The following PHACTR3 variants were observed in gnomAD, a reference collection of about 807,000 sequenced individuals.
The protein encoded by PHACTR3 is phosphatase and actin regulator 3.
In PHACTR3, 16 loss-of-function variants were observed where a neutral mutation model predicts 66.8. The observed-to-expected ratio is 0.24, with a 90% CI of 0.16 to 0.36. The LOEUF is 0.36. Ranked by LOEUF, PHACTR3 falls within the 10% of genes least tolerant of loss-of-function variation. The pLI, the probability that PHACTR3 is intolerant of heterozygous loss-of-function variation, is 1.00. For synonymous variants in PHACTR3, 323 were observed against 292.1 expected, an observed-to-expected ratio of 1.11 and a Z score of -1.08; for missense variants, 647 against 719.9, an observed-to-expected ratio of 0.90 and a Z score of 1.16.
At chr20:59,766,700 G>A (rs1253187177) in intron 4 of PHACTR3, among the ~76,000 whole-genome samples, 1 of 152,216 alleles carries the variant, frequency 6.6e-6, no homozygotes, top group African/African-American at 2.4e-5. Flanking sequence ...AAGAATGAGA[G>A]CTGCTGGACT....
intron 1 of PHACTR3, among the ~76,000 whole-genome samples, chr20:59,737,909 C>T (rs2039010609): frequency 6.6e-6 from 1 of 152,162 alleles, no homozygotes; most frequent in Non-Finnish European, 1.5e-5. Flanking sequence ...AAAGTGCTCC[C>T]TCGCCAGCCC....
At chr20:59,767,159 T>C (rs775922325) in intron 4 of PHACTR3, 27 bp from the exon 5 acceptor site, 1 of 1,613,094 alleles carries the variant, frequency 6.2e-7, no homozygotes, top group South Asian at 1.1e-5. Context: ...AACATGTTTT[T>C]AACTCTCTGC....
chr20:59,670,605 T>TTGGGGGGGG lies in PHACTR3; in HGVS notation c.118+65473_118+65474insTGGGGGGGG, dbSNP rs34824435. ...AATGAGGACAGGCATCTGCCGGGGG[T>TTGGGGGGGG]GGGGGGGGGGGGCAGGCACTTTTAC... On this transcript the variant is annotated intron_variant, in intron 1 of 12. Transcript: ENST00000371015. Among the ~76,000 whole-genome samples the TTGGGGGGGG allele has an allele frequency of 8.3e-4, 39 of 47,160 alleles. 4 individuals are homozygous for TTGGGGGGGG. The highest frequency in any genetic ancestry group is 1.2e-3 in the Non-Finnish European group (20 of 16,374). 30.9% of individuals were successfully genotyped at this position (47,160 alleles called of 152,430 possible).
intron 1 of PHACTR3, among the ~76,000 whole-genome samples, chr20:59,742,035 A>G (rs2039179108): frequency 6.6e-6 from 1 of 152,240 alleles, no homozygotes; most frequent in Non-Finnish European, 1.5e-5. Flanking sequence ...TGCTGGGATT[A>G]TAGGCGTAAG....
At chr20:59,814,415 G>A (rs2041830124) in intron 8 of PHACTR3, among the ~76,000 whole-genome samples, 2 of 152,154 alleles carry the variant, frequency 1.3e-5, no homozygotes, top group African/African-American at 4.8e-5. Context: ...GGCAGACACA[G>A]GGGAAAGGTT....
intron 8 of PHACTR3, among the ~76,000 whole-genome samples, chr20:59,807,672 C>T (rs566903239): frequency 6.6e-6 from 1 of 152,254 alleles, no homozygotes; most frequent in South Asian, 2.1e-4. Flanking sequence ...ACACCAGCAT[C>T]GCCACACACG....
At chr20:59,670,146 C>G (rs2036142587) in intron 1 of PHACTR3, among the ~76,000 whole-genome samples, 2 of 152,200 alleles carry the variant, frequency 1.3e-5, no homozygotes, top group African/African-American at 4.8e-5. Flanking sequence ...TTCTTCTGAT[C>G]TTTAGTGGAT....
At chr20:59,721,342 G>A (rs1209570808) in intron 1 of PHACTR3, 1 of 152,258 alleles carries the variant, frequency 6.6e-6, no homozygotes, top group East Asian at 1.9e-4. Flanking sequence ...TGGAGATTCT[G>A]TGCTGGTAGG....
upstream of PHACTR3, among the ~76,000 whole-genome samples, chr20:59,604,156 C>G (rs1283020142): frequency 6.6e-6 from 1 of 152,092 alleles, no homozygotes; most frequent in Non-Finnish European, 1.5e-5. Context: ...GGGGAGGAAG[C>G]CTCAGGTCGC....
At chr20:59,813,670 C>G (rs975349000) in intron 8 of PHACTR3, among the ~76,000 whole-genome samples, 1 of 151,970 alleles carries the variant, frequency 6.6e-6, no homozygotes, top group Non-Finnish European at 1.5e-5. Flanking sequence ...AGTGAGAGCT[C>G]GAAGGTGGGA....
chr20:59,763,051 A>G (rs772774973), intron 4 of PHACTR3, among the ~76,000 whole-genome samples: 16 of 152,162 alleles, frequency 1.1e-4, no homozygotes, highest in Non-Finnish European at 1.9e-4. Context: ...ATCTTGAATT[A>G]TAATCCCCAC....
At chr20:59,733,672 A>G (rs1409153974) in intron 1 of PHACTR3, among the ~76,000 whole-genome samples, 1 of 152,162 alleles carries the variant, frequency 6.6e-6, no homozygotes, top group Non-Finnish European at 1.5e-5. Context: ...CTGAGTTCTA[A>G]GCTCCACTCT....
rs140977305 is a variant in PHACTR3, at chr20:59,817,042, T to C, written c.1328+10848T>C. On this transcript the variant is annotated intron_variant, in intron 8 of 12. Transcript: ENST00000371015. Reference sequence around the variant, plus strand: ...AACTGTCTCAGCACGCACAGTGGGTTAGATGGAATTTCCTAAGAGTTTATT... The same window carrying C: ...AACTGTCTCAGCACGCACAGTGGGTCAGATGGAATTTCCTAAGAGTTTATT... Among the ~76,000 whole-genome samples, 3 of 152,344 alleles carry C rather than the reference T, an allele frequency of 2.0e-5. No homozygotes were observed. The East Asian group carries it at 5.8e-4, about 29-fold the overall frequency.
chr20:59,788,324 G>C (rs1049855237), intron 7 of PHACTR3, among the ~76,000 whole-genome samples: 1 of 152,112 alleles, frequency 6.6e-6, no homozygotes, highest in African/African-American at 2.4e-5. Flanking sequence ...CTGCCTGGGC[G>C]CTTCCCTTTC....
chr20:59,650,999 A>T (rs1441139291), intron 1 of PHACTR3, among the ~76,000 whole-genome samples: 2 of 152,084 alleles, frequency 1.3e-5, no homozygotes, highest in Non-Finnish European at 2.9e-5. Flanking sequence ...TCAAGATGTT[A>T]ATCTTTGTTA....
chr20:59,586,744 G>C (rs1009808905), intron 1 of PHACTR3, among the ~76,000 whole-genome samples: 1 of 152,176 alleles, frequency 6.6e-6, no homozygotes, highest in African/African-American at 2.4e-5. Flanking sequence ...AGTCACACCA[G>C]CCAGGTCCTG....
intron 8 of PHACTR3, among the ~76,000 whole-genome samples, chr20:59,809,329 C>A (rs1162708236): frequency 1.3e-5 from 2 of 152,136 alleles, no homozygotes. Flanking sequence ...GACAGCCCTG[C>A]CGCTCGGCCT....
At chr20:59,786,679 G>C (rs2040927658) in intron 7 of PHACTR3, among the ~76,000 whole-genome samples, 1 of 150,672 alleles carries the variant, frequency 6.6e-6, no homozygotes, top group Non-Finnish European at 1.5e-5. Flanking sequence ...ATGGAGCGCT[G>C]TCTGTGCAGC....
In PHACTR3 at chr20:59,758,835, A is replaced by G. The variant is rs117659434; in HGVS notation, c.541+3471A>G. Reference sequence around the variant, plus strand: ...GGCAAGTGACTTAACCTTTCTGATTATGTTTGATCAACTGTAAAATGAGGA... The same window carrying G: ...GGCAAGTGACTTAACCTTTCTGATTGTGTTTGATCAACTGTAAAATGAGGA... On this transcript the variant is annotated intron_variant, in intron 4 of 12. Coordinates refer to ENST00000371015, the MANE Select transcript of PHACTR3 (RefSeq NM_080672.5). Among the ~76,000 whole-genome samples, 4 of 152,330 alleles carry G rather than the reference A, an allele frequency of 2.6e-5. No individual in the cohort carries two copies. The East Asian group carries it at 5.8e-4, about 22-fold the overall frequency.
Sources: allele counts gnomAD v4.1 joint callset (sites outside exome capture counted in the v4.1 genomes callset), GRCh38; gene constraint gnomAD v4.1.1; transcripts MANE v1.5; gene names NCBI Gene and HGNC (gene_info 2026-07-23, HGNC 2026-07-21).